Variants in GCN1 observed in about 807,000 individuals in gnomAD.
GCN1 encodes GCN1 activator of EIF2AK4, also known as stalled ribosome sensor GCN1.
In GCN1, 90 loss-of-function variants were observed where a neutral mutation model predicts 288.4. That is an observed-to-expected ratio of 0.31 (90% CI 0.26 to 0.37). GCN1 has a LOEUF of 0.37. GCN1 is among the 10% of genes least tolerant of loss of function. GCN1 has a pLI of 1.00. For synonymous variants in GCN1, 1,386 were observed against 1,420.2 expected (o/e 0.98, Z 0.54); for missense variants, 2,586 against 3,419.9 (o/e 0.76, Z 6.08).
At position 120,193,031 on chromosome 12, in the gene GCN1, C is replaced by T. The variant is rs906334424; in HGVS notation, c.18+1649G>A. ...AGCCTGGGCAACAAGAGAGAAACTC[C>T]GTCTCAAAAAATAAAATAAAATAAT... On this transcript the variant is annotated intron_variant, in intron 1 of 57. Coordinates refer to ENST00000300648, the MANE Select transcript of GCN1 (RefSeq NM_006836.2). Among the ~76,000 whole-genome samples the T allele has an allele frequency of 1.3e-4, 20 of 151,616 alleles. 1 individual carries two copies. The highest frequency in any genetic ancestry group is 1.7e-4 in the African/African-American group (7 of 41,246).
In GCN1 at chr12:120,144,328, A is replaced by G. The variant is rs758113275; in HGVS notation, c.5473T>C (p.Phe1825Leu). 8 of 1,614,228 alleles carry G rather than the reference A, an allele frequency of 5.0e-6. No homozygotes were observed. The highest frequency in any genetic ancestry group is 6.8e-6 in the Non-Finnish European group (8 of 1,180,020). Residue 1825 changes from phenylalanine (F) to leucine (L), a missense_variant, in exon 42 of 58, where the codon TTT becomes CTT. Physicochemically the swap from Phe to Leu is conservative, Grantham distance 22. Around this residue, in one of 8 missense-constraint regions of GCN1, gnomAD observed 371 missense variants for 572.6 expected, o/e 0.65. Transcript: ENST00000300648. The surrounding 1 kb of genome is among the most constrained non-coding windows in gnomAD (Gnocchi z 4.7). ...LLLPQLEQGL[F>L]DDLWRIRFSS... ...CACCTGATTCTCCAAAGGTCATCAA[A>G]GAGGCCTTGCTCTAGCTGGGGCAGC...
In GCN1 at chr12:120,163,152, A is replaced by T. The variant is rs763301044; in HGVS notation, c.1956T>A (p.Gly652=). 1.2e-6 allele frequency: 2 copies of T among 1,614,070 alleles called. No individual in the cohort carries two copies. The highest frequency in any genetic ancestry group is 2.2e-5 in the South Asian group (2 of 91,092). The change falls in exon 19 of 58, where the codon GGT becomes GGA. Residue 652 remains glycine (G), a synonymous_variant. Coordinates refer to ENST00000300648, the MANE Select transcript of GCN1 (RefSeq NM_006836.2). ...TGACATCACCCTTGAGCCCTGGCAC[A>T]CCGGAGATGACACACAGAGCCTCCT... The part of the protein sequence containing the change: ...VLQEALCVIS[G]VPGLKGDVTD...
chr12:120,148,138 G>C (rs778355189), intron 37 of GCN1, 29 bp downstream of exon 37: 2 of 1,580,546 alleles, frequency 1.3e-6, no homozygotes, highest in East Asian at 4.5e-5. Context: ...TGGGAGGTCA[G>C]GGCAAGCACC....
chr12:120,135,112 A>C (rs1876957607), intron 51 of GCN1, among the ~76,000 whole-genome samples: 1 of 152,206 alleles, frequency 6.6e-6, no homozygotes, highest in African/African-American at 2.4e-5. Flanking sequence ...CACAGTTCTA[A>C]TGCCAAGACA....
chr12:120,190,657 T>C (rs1013739858), intron 1 of GCN1, among the ~76,000 whole-genome samples: 3 of 152,268 alleles, frequency 2.0e-5, no homozygotes, highest in African/African-American at 7.2e-5. Flanking sequence ...AAATGTCTCC[T>C]GGCAGGCAAA....
At position 120,155,146 on chromosome 12, in the gene GCN1, G is replaced by T; in HGVS notation, c.3630+95C>A. On this transcript the variant is annotated intron_variant, in intron 30 of 57. Coordinates refer to ENST00000300648, the MANE Select transcript of GCN1 (RefSeq NM_006836.2). This position sits in a 1 kb window ranked among gnomAD's most constrained non-coding sequence, Gnocchi z 4.9. ...CCGCAGCTACCCTGAGCCACCGTGAGCCCCGAGATTCCTGTCTGGAGCAGT... is the reference window on the plus strand; with the variant it reads ...CCGCAGCTACCCTGAGCCACCGTGATCCCCGAGATTCCTGTCTGGAGCAGT... 1 of 1,519,318 alleles carries T rather than the reference G, an allele frequency of 6.6e-7. No individual in the cohort carries two copies. Among genetic ancestry groups the T allele is most frequent in the Non-Finnish European group, 9.1e-7 (1 of 1,094,424 alleles). 94.1% of individuals were successfully genotyped at this position (1,519,318 alleles called of 1,614,324 possible).
At position 120,184,234 on chromosome 12, in the gene GCN1, G is replaced by C; in HGVS notation, c.195C>G (p.Ala65=). The change falls in exon 4 of 58, where the codon GCC becomes GCG. Residue 65 remains alanine (A), a synonymous_variant. Transcript: ENST00000300648. ...CLTLHRYRDA[A]SRRALQAAIQ... is the part of the protein sequence containing the mutation. ...TGGCTGCCTGCAAGGCCCTGCGGGA[G>C]GCTGCATCTCTAGGGGGAGAGGCAA... 1 of 1,613,128 alleles carries C rather than the reference G, an allele frequency of 6.2e-7. No homozygotes were observed. Among genetic ancestry groups the C allele is most frequent in the Non-Finnish European group, 8.5e-7 (1 of 1,179,744 alleles).
At chr12:120,146,406 C>T (rs923888349) in intron 38 of GCN1, among the ~76,000 whole-genome samples, 35 of 151,626 alleles carry the variant, frequency 2.3e-4, no homozygotes, top group African/African-American at 7.3e-4. Flanking sequence ...GGCTGGAGTG[C>T]GGTGGTATTA....
chr12:120,169,283 A>AAAAAAAAAAAAAAAG (rs1878237893), intron 15 of GCN1, among the ~76,000 whole-genome samples: 1 of 85,330 alleles, frequency 1.2e-5, no homozygotes, highest in Non-Finnish European at 2.1e-5. Context: ...TCTCAAAAAA[A>AAAAAAAAAAAAAAAG]AAAAAAAAAA....
At chr12:120,130,845 C>T (rs1303482401) in intron 55 of GCN1, 92 bp from the exon 56 acceptor site, 3 of 729,456 alleles carry the variant, frequency 4.1e-6, no homozygotes, top group Non-Finnish European at 7.1e-6. Flanking sequence ...CAGGACCCTC[C>T]ACTACATCAC....
intron 31 of GCN1, among the ~76,000 whole-genome samples, chr12:120,154,172 T>A (rs895580917): frequency 6.6e-6 from 1 of 152,202 alleles, no homozygotes; most frequent in African/African-American, 2.4e-5. Flanking sequence ...GAGAGGAATG[T>A]GAGTGCAATG....
In GCN1 at chr12:120,129,301, A is replaced by G. The variant is rs1245709858; in HGVS notation, c.7865T>C (p.Met2622Thr). The change falls in exon 57 of 58, where the codon ATG (methionine) becomes ACG (threonine). Residue 2622 changes from methionine (M) to threonine (T), a missense_variant. Met to Thr is a moderately conservative substitution (Grantham distance 81, BLOSUM62 -1). Transcript: ENST00000300648. ...SDQAIVNLLKMRQGEEVFQSL... is the reference protein window; with the variant it reads ...SDQAIVNLLKTRQGEEVFQSL... ...CTGAAACACCTCTTCACCCTGCCGCATCTTGAGGAGGTTGACAATTGCCTG... is the reference window on the plus strand; with the variant it reads ...CTGAAACACCTCTTCACCCTGCCGCGTCTTGAGGAGGTTGACAATTGCCTG... 1 of 1,613,966 alleles carries G rather than the reference A, an allele frequency of 6.2e-7. No homozygotes were observed. The highest frequency in any genetic ancestry group is 8.5e-7 in the Non-Finnish European group (1 of 1,179,974).
In GCN1 at chr12:120,175,863, A is replaced by G. The variant is rs554173723; in HGVS notation, c.925T>C (p.Ser309Pro). The change falls in exon 11 of 58, where the codon TCC becomes CCC. Residue 309 changes from serine to proline, a missense_variant. Ser to Pro is a moderately conservative substitution (Grantham distance 74, BLOSUM62 -1). Around this residue, in one of 8 missense-constraint regions of GCN1, gnomAD observed 913 missense variants for 1,107.0 expected, o/e 0.82. Transcript: ENST00000300648. ...IVKGLAGHLK[S>P]NSPRLMDEAV... Reference sequence around the variant, plus strand: ...TCATCCATCAGGCGGGGACTGTTGGATTTCAGGTGACCTGCACACACAAAG... The same window carrying G: ...TCATCCATCAGGCGGGGACTGTTGGGTTTCAGGTGACCTGCACACACAAAG... 6.2e-7 allele frequency: 1 copy of G among 1,609,014 alleles called. No homozygotes were observed. The highest frequency in any genetic ancestry group is 2.2e-5 in the East Asian group (1 of 44,826).
intron 47 of GCN1, 97 bp from the exon 48 acceptor site, chr12:120,138,141 G>A: frequency 8.5e-7 from 1 of 1,173,990 alleles, no homozygotes; most frequent in Non-Finnish European, 1.2e-6. Context: ...CAAGCCCACT[G>A]CTCAGAGCCA....
At position 120,190,381 on chromosome 12, in the gene GCN1, C is replaced by G; in HGVS notation, c.38G>C (p.Arg13Pro). The G allele has an allele frequency of 1.2e-6, 2 of 1,603,860 alleles. No homozygotes were observed. Among genetic ancestry groups the G allele is most frequent in the Non-Finnish European group, 1.7e-6 (2 of 1,170,722 alleles). The change falls in exon 2 of 58, where the codon CGT (arginine) becomes CCT (proline). Residue 13 changes from arginine to proline, a missense_variant. Transcript: ENST00000300648. Reference sequence around the variant, plus strand: ...GGCTGTTGTCACCTTCCCTGCAAAACGCTTTAGTGTCTCGGAAACCTGTGA... The same window carrying G: ...GGCTGTTGTCACCTTCCCTGCAAAAGGCTTTAGTGTCTCGGAAACCTGTGA... Reference protein sequence around the residue: ...ADTQVSETLKRFAGKVTTASV... With the variant: ...ADTQVSETLKPFAGKVTTASV...
At position 120,156,768 on chromosome 12, in the gene GCN1, T is replaced by C; in HGVS notation, c.3168+144A>G. ...AAAACCCCTCACTAGCTAACAACAGTCAGGCTGGCTCTCTAAAGCAGTCTT... is the reference window on the plus strand; with the variant it reads ...AAAACCCCTCACTAGCTAACAACAGCCAGGCTGGCTCTCTAAAGCAGTCTT... On this transcript the variant is annotated intron_variant, in intron 27 of 57. Coordinates refer to ENST00000300648, the MANE Select transcript of GCN1 (RefSeq NM_006836.2). The surrounding 1 kb of genome is among the most constrained non-coding windows in gnomAD (Gnocchi z 5.8). 1.1e-6 allele frequency: 1 copy of C among 881,036 alleles called. No homozygotes were observed. The highest frequency in any genetic ancestry group is 1.8e-6 in the Non-Finnish European group (1 of 547,436). 54.6% of individuals were successfully genotyped at this position (881,036 alleles called of 1,614,324 possible).
intron 14 of GCN1, among the ~76,000 whole-genome samples, chr12:120,172,241 T>C (rs1337262150): frequency 2.0e-5 from 3 of 152,224 alleles, no homozygotes; most frequent in Non-Finnish European, 4.4e-5. Context: ...CGTACATTTC[T>C]ACCCATGGAA....
chr12:120,193,013 G>A (rs1879056017), intron 1 of GCN1, among the ~76,000 whole-genome samples: 2 of 151,908 alleles, frequency 1.3e-5, no homozygotes, highest in South Asian at 2.1e-4. Context: ...TCCAGCCTGG[G>A]CAACAAGAGA....
chr12:120,189,976 T>C (rs1392326919), intron 2 of GCN1, among the ~76,000 whole-genome samples: 1 of 151,748 alleles, frequency 6.6e-6, no homozygotes, highest in Non-Finnish European at 1.5e-5. Context: ...TGAGACTCTG[T>C]CTCAAAAAGA....
Sources: allele counts gnomAD v4.1 joint callset (sites outside exome capture counted in the v4.1 genomes callset), GRCh38; gene constraint gnomAD v4.1.1; regional missense constraint gnomAD v4.1.1; non-coding constraint Gnocchi (gnomAD v3.1); transcripts MANE v1.5; gene names NCBI Gene and HGNC (gene_info 2026-07-23, HGNC 2026-07-21).